Variants in BABAM2 observed in about 807,000 individuals in gnomAD.
BABAM2 encodes BRISC and BRCA1-A complex member 2.
Under a neutral mutation model 54.7 loss-of-function variants are expected in BABAM2, and 31 were observed. That is an observed-to-expected ratio of 0.57 (90% CI 0.43 to 0.77). The LOEUF (loss-of-function observed/expected upper bound fraction) is 0.77. BABAM2 is among the 30% of genes least tolerant of loss of function. The pLI is 0.00. For synonymous variants in BABAM2, 167 were observed against 162.9 expected, an observed-to-expected ratio of 1.03 and a Z score of -0.19; for missense variants, 364 against 455.8, an observed-to-expected ratio of 0.80 and a Z score of 1.83.
At chr2:27,980,912 C>G (rs1445899436) in intron 3 of BABAM2, among the ~76,000 whole-genome samples, 1 of 151,942 alleles carries the variant, frequency 6.6e-6, no homozygotes, top group Non-Finnish European at 1.5e-5. Flanking sequence ...TTTCTTAACA[C>G]AAAGAAATGA....
chr2:28,095,191 G>A (rs143078593), intron 6 of BABAM2, among the ~76,000 whole-genome samples: 1,885 of 152,226 alleles, frequency 0.012, 16 homozygotes, highest in Middle Eastern at 0.031. Context: ...TGAGGAAACT[G>A]AGGCATTGGT....
intron 11 of BABAM2, among the ~76,000 whole-genome samples, chr2:28,299,033 C>T (rs1687912280): frequency 6.6e-6 from 1 of 152,150 alleles, no homozygotes; most frequent in Non-Finnish European, 1.5e-5. Context: ...TAGTAGTCAA[C>T]ACCTGGAGCC....
intron 11 of BABAM2, among the ~76,000 whole-genome samples, chr2:28,332,649 C>G (rs958601168): frequency 2.6e-5 from 4 of 152,150 alleles, no homozygotes; most frequent in Admixed American, 2.0e-4. Flanking sequence ...TCTTGGCAGC[C>G]GGAGCCATGT....
intron 7 of BABAM2, among the ~76,000 whole-genome samples, chr2:28,146,321 G>C (rs1413363018): frequency 6.6e-6 from 1 of 152,092 alleles, no homozygotes; most frequent in Non-Finnish European, 1.5e-5. Context: ...TAGAATTCTT[G>C]TCTACTTCCT....
chr2:27,937,887 T>C (rs1451793246), intron 3 of BABAM2, among the ~76,000 whole-genome samples: 3 of 152,218 alleles, frequency 2.0e-5, no homozygotes, highest in Non-Finnish European at 2.9e-5. Flanking sequence ...CTGAGACCAA[T>C]TGTGACGAGG....
At chr2:27,958,808 G>C (rs536714401) in intron 3 of BABAM2, among the ~76,000 whole-genome samples, 1 of 152,212 alleles carries the variant, frequency 6.6e-6, no homozygotes, top group East Asian at 1.9e-4. Flanking sequence ...GGGAGAATTT[G>C]CACACAGTAT....
chr2:27,963,528 G>A (rs1670628526), intron 3 of BABAM2, among the ~76,000 whole-genome samples: 3 of 150,540 alleles, frequency 2.0e-5, no homozygotes, highest in Admixed American at 6.6e-5. Flanking sequence ...ATTCTTAAAG[G>A]ATTCAGTAAA....
chr2:28,097,093 G>T (rs1051688700), intron 6 of BABAM2, among the ~76,000 whole-genome samples: 2 of 152,146 alleles, frequency 1.3e-5, no homozygotes, highest in Non-Finnish European at 2.9e-5. Flanking sequence ...AATGGCAAGG[G>T]GTTCAAGCTG....
In BABAM2 at chr2:28,176,269, G is replaced by A. The variant is rs142205812; in HGVS notation, c.680+46889G>A. The stretch of plus-strand genomic sequence containing the variant: ...AATGCCAGAAAAATATAAAAGTAAC[G>A]ATAGTAAAGAAGCTCACTGGCCAGG... On this transcript the variant is annotated intron_variant, in intron 7 of 11. Transcript: ENST00000379624. Among the ~76,000 whole-genome samples the A allele has an allele frequency of 4.3e-4, 65 of 151,976 alleles. 1 individual carries two copies. The highest frequency in any genetic ancestry group is 1.5e-3 in the African/African-American group (62 of 41,492).
At chr2:28,107,790 C>T (rs1667657289) in intron 6 of BABAM2, among the ~76,000 whole-genome samples, 1 of 152,108 alleles carries the variant, frequency 6.6e-6, no homozygotes, top group Non-Finnish European at 1.5e-5. Flanking sequence ...ATTTTGAGGG[C>T]GTAGATCCTT....
At chr2:28,003,265 G>A (rs961084775) in intron 4 of BABAM2, among the ~76,000 whole-genome samples, 3 of 152,136 alleles carry the variant, frequency 2.0e-5, no homozygotes, top group Non-Finnish European at 4.4e-5. Flanking sequence ...GTATTGCTGT[G>A]TGGTGCTGTG....
chr2:28,206,050 G>A (rs984488585), intron 7 of BABAM2, among the ~76,000 whole-genome samples: 1 of 152,228 alleles, frequency 6.6e-6, no homozygotes, highest in Admixed American at 6.5e-5. Context: ...CAAGGCTGGA[G>A]GGGTTTCCAG....
intron 4 of BABAM2, among the ~76,000 whole-genome samples, chr2:27,988,399 G>A (rs1672552285): frequency 6.6e-6 from 1 of 152,066 alleles, no homozygotes; most frequent in Admixed American, 6.6e-5. Context: ...AATATATCAT[G>A]CCTGCAATCA....
chr2:27,996,681 C>T (rs900698750), intron 4 of BABAM2, among the ~76,000 whole-genome samples: 7 of 152,166 alleles, frequency 4.6e-5, no homozygotes, highest in Admixed American at 2.6e-4. Flanking sequence ...TCCAATGGTT[C>T]CTCTAAGCCT....
intron 10 of BABAM2, among the ~76,000 whole-genome samples, chr2:28,256,157 T>C (rs1329729575): frequency 6.6e-6 from 1 of 152,224 alleles, no homozygotes; most frequent in African/African-American, 2.4e-5. Flanking sequence ...TATAATCAGA[T>C]ATATCATTTC....
intron 8 of BABAM2, among the ~76,000 whole-genome samples, chr2:28,238,840 C>CG (rs76767476): frequency 6.6e-6 from 1 of 151,472 alleles, no homozygotes; most frequent in Admixed American, 6.6e-5. Context: ...ACATTTTCCT[C>CG]AAAAAAAAAT....
At chr2:28,078,917 C>G (rs1047135906) in intron 6 of BABAM2, among the ~76,000 whole-genome samples, 1 of 152,048 alleles carries the variant, frequency 6.6e-6, no homozygotes, top group Non-Finnish European at 1.5e-5. Flanking sequence ...TCCTTCCATC[C>G]TTCCTTCGTT....
At chr2:27,956,670 T>A (rs1328450247) in intron 3 of BABAM2, among the ~76,000 whole-genome samples, 1 of 152,150 alleles carries the variant, frequency 6.6e-6, no homozygotes, top group East Asian at 1.9e-4. Context: ...TCTAAAGATT[T>A]GAAAAGCAGC....
chr2:28,107,030 T>C (rs1269922092), intron 6 of BABAM2, among the ~76,000 whole-genome samples: 2 of 152,166 alleles, frequency 1.3e-5, no homozygotes, highest in East Asian at 3.8e-4. Flanking sequence ...ATAAATCTAG[T>C]TCACATTATC....
Sources: allele counts gnomAD v4.1 joint callset (sites outside exome capture counted in the v4.1 genomes callset), GRCh38; gene constraint gnomAD v4.1.1; transcripts MANE v1.5; gene names NCBI Gene and HGNC (gene_info 2026-07-23, HGNC 2026-07-21).